The following LPAR1 variants were observed in gnomAD, a reference collection of about 807,000 sequenced individuals.
LPAR1 encodes the protein lysophosphatidic acid receptor 1.
LPAR1 carries 5 observed loss-of-function variants against 23.8 expected under a neutral mutation model. The ratio of observed to expected loss-of-function variants is 0.21; its 90% confidence interval spans 0.11 to 0.44. The LOEUF (loss-of-function observed/expected upper bound fraction) is 0.44, where lower values mean the gene tolerates loss of function less well. Ranked by LOEUF, LPAR1 falls within the 20% of genes least tolerant of loss-of-function variation. The pLI, the probability that LPAR1 is intolerant of heterozygous loss-of-function variation, is 0.99. For missense variants in LPAR1, 311 were observed against 482.8 expected, an observed-to-expected ratio of 0.64 and a Z score of 3.33; for synonymous variants, 160 against 164.7, an observed-to-expected ratio of 0.97 and a Z score of 0.22.
At chr9:111,030,140 A>G (rs1442125061) in intron 2 of LPAR1, among the ~76,000 whole-genome samples, 1 of 152,146 alleles carries the variant, frequency 6.6e-6, no homozygotes, top group Non-Finnish European at 1.5e-5. Flanking sequence ...AACTAAACTG[A>G]CAGCGTCTCA....
chr9:111,010,453 T>A (rs1588846810), intron 2 of LPAR1, among the ~76,000 whole-genome samples: 2 of 152,108 alleles, frequency 1.3e-5, no homozygotes, highest in East Asian at 3.9e-4. Context: ...ACCAGGAAAA[T>A]AAGGTAGGGG....
chr9:110,930,168 C>T (rs751616925), intron 5 of LPAR1, among the ~76,000 whole-genome samples: 14 of 152,194 alleles, frequency 9.2e-5, no homozygotes, highest in African/African-American at 2.9e-4. Flanking sequence ...AACACATACA[C>T]GTCACTGTCA....
chr9:111,022,160 G>T (rs1174051952), intron 2 of LPAR1, among the ~76,000 whole-genome samples: 1 of 152,084 alleles, frequency 6.6e-6, no homozygotes, highest in Non-Finnish European at 1.5e-5. Context: ...GTTGGACTAG[G>T]TTAGTTAAAT....
At chr9:111,022,571 C>CACCCAACCATCTG (rs2097578984) in intron 2 of LPAR1, among the ~76,000 whole-genome samples, 2 of 152,178 alleles carry the variant, frequency 1.3e-5, no homozygotes, top group South Asian at 4.1e-4. Context: ...ATGAAATACT[C>CACCCAACCATCTG]ACCCAACCAT....
In LPAR1 at chr9:110,997,076, G is replaced by A. The variant is rs1294586671; in HGVS notation, c.-181-23518C>T. Reference sequence around the variant, plus strand: ...TTTCCTACTGCCTATGTCAGTGCCTGGTATTGGGAAACATTAACTCTTTCA... The same window carrying A: ...TTTCCTACTGCCTATGTCAGTGCCTAGTATTGGGAAACATTAACTCTTTCA... On this transcript the variant is annotated intron_variant, in intron 2 of 5. Transcript: ENST00000683809. 2.0e-5 allele frequency among the ~76,000 whole-genome samples: 3 copies of A among 152,124 alleles called. No individual in the cohort carries two copies. The East Asian group carries it at 5.8e-4, about 29-fold the overall frequency.
chr9:110,970,373 G>A (rs555098930), intron 4 of LPAR1, among the ~76,000 whole-genome samples: 3 of 152,134 alleles, frequency 2.0e-5, no homozygotes, highest in South Asian at 2.1e-4. Context: ...AAGTCTCTCA[G>A]ACACCAAAAA....
intron 2 of LPAR1, among the ~76,000 whole-genome samples, chr9:110,998,894 A>G (rs991168477): frequency 1.2e-4 from 18 of 152,224 alleles, no homozygotes; most frequent in African/African-American, 4.3e-4. Context: ...TCATAGATTC[A>G]AAAGAAGGCA....
At chr9:110,897,066 C>T (rs1054783411) in intron 5 of LPAR1, among the ~76,000 whole-genome samples, 5 of 152,110 alleles carry the variant, frequency 3.3e-5, no homozygotes, top group Admixed American at 6.5e-5. Context: ...AGATTACAGG[C>T]GTGATTTAGT....
intron 4 of LPAR1, among the ~76,000 whole-genome samples, chr9:110,952,941 C>T (rs1045838981): frequency 1.3e-5 from 2 of 152,304 alleles, no homozygotes; most frequent in African/African-American, 4.8e-5. Context: ...GAGCACACTT[C>T]CTGGGGATCT....
chr9:110,950,773 T>G (rs2095544778), intron 4 of LPAR1, among the ~76,000 whole-genome samples: 1 of 152,136 alleles, frequency 6.6e-6, no homozygotes, highest in Non-Finnish European at 1.5e-5. Context: ...AAATAAAATA[T>G]TTTTGTGAAT....
chr9:110,936,103 C>A, intron 5 of LPAR1, among the ~76,000 whole-genome samples: 1 of 152,306 alleles, frequency 6.6e-6, no homozygotes, highest in Non-Finnish European at 1.5e-5. Context: ...TCACTCCACT[C>A]GTCATCACTC....
chr9:110,913,974 T>C (rs975946542), intron 5 of LPAR1, among the ~76,000 whole-genome samples: 1 of 152,206 alleles, frequency 6.6e-6, no homozygotes, highest in African/African-American at 2.4e-5. Context: ...TTGACAAGCA[T>C]CACTGACTTA....
chr9:111,024,076 A>AGG, intron 2 of LPAR1, among the ~76,000 whole-genome samples: 1 of 152,166 alleles, frequency 6.6e-6, no homozygotes, highest in Non-Finnish European at 1.5e-5. Context: ...TACATAGTAC[A>AGG]AAAAATGGGT....
intron 2 of LPAR1, among the ~76,000 whole-genome samples, chr9:111,035,591 A>T (rs904687517): frequency 5.3e-5 from 8 of 152,202 alleles, no homozygotes; most frequent in Admixed American, 6.5e-5. Context: ...TATGATGCTG[A>T]CTTAAGGCCA....
In LPAR1 at chr9:110,977,890, AGG is replaced by A. The variant is rs1157259880; in HGVS notation, c.-181-4334_-181-4333del. On this transcript the variant is annotated intron_variant, in intron 2 of 5. Transcript: ENST00000683809. ...AAGGAAGGAAGGAAGGAAGGAAGGA[AGG>A]AAGGAAGGAAGGAAGGAAAGAAGGA... Among the ~76,000 whole-genome samples, 451 of 150,778 alleles carry A rather than the reference AGG, an allele frequency of 3.0e-3. 9 individuals are homozygous for A. Among genetic ancestry groups the A allele is most frequent in the Non-Finnish European group, 4.9e-3 (329 of 67,534 alleles).
intron 5 of LPAR1, among the ~76,000 whole-genome samples, chr9:110,901,378 C>T (rs2133846949): frequency 6.6e-6 from 1 of 152,272 alleles, no homozygotes; most frequent in South Asian, 2.1e-4. Context: ...ATAGAGGCAG[C>T]ATGTATTAGT....
intron 5 of LPAR1, among the ~76,000 whole-genome samples, chr9:110,935,598 AG>A (rs1394132007): frequency 1.3e-5 from 2 of 152,198 alleles, no homozygotes; most frequent in Non-Finnish European, 2.9e-5. Flanking sequence ...ACACCAGCCT[AG>A]GCAACATGGT....
At chr9:110,976,750 C>T (rs2096563487) in intron 2 of LPAR1, among the ~76,000 whole-genome samples, 1 of 152,100 alleles carries the variant, frequency 6.6e-6, no homozygotes, top group Non-Finnish European at 1.5e-5. Context: ...CATCTCTTCT[C>T]ATCTATATTT....
chr9:110,890,266 CA>C (rs1372981154), intron 5 of LPAR1, among the ~76,000 whole-genome samples: 3 of 152,024 alleles, frequency 2.0e-5, no homozygotes, highest in Non-Finnish European at 4.4e-5. Context: ...ATACCCAAAA[CA>C]AAAAACATAG....
Sources: allele counts gnomAD v4.1 joint callset (sites outside exome capture counted in the v4.1 genomes callset), GRCh38; gene constraint gnomAD v4.1.1; transcripts MANE v1.5; gene names NCBI Gene and HGNC (gene_info 2026-07-23, HGNC 2026-07-21).